The following C12orf56 variants were observed in gnomAD, a reference collection of about 807,000 sequenced individuals.
The protein encoded by C12orf56 is uncharacterized protein C12orf56.
In C12orf56, 71 loss-of-function variants were observed where a neutral mutation model predicts 69.9. The observed-to-expected ratio is 1.02, with a 90% confidence interval of 0.84 to 1.24. The LOEUF is 1.24. C12orf56 is among the 50% of genes most tolerant of loss of function. The pLI, the probability that C12orf56 is intolerant of heterozygous loss-of-function variation, is 0.00. For missense variants in C12orf56, 732 were observed against 738.5 expected, an observed-to-expected ratio of 0.99 and a Z score of 0.10; for synonymous variants, 276 against 274.1, an observed-to-expected ratio of 1.01 and a Z score of -0.07.
chr12:64,359,388 TAATC>T (rs930094927), intron 1 of C12orf56, among the ~76,000 whole-genome samples: 1 of 152,196 alleles, frequency 6.6e-6, no homozygotes, highest in African/African-American at 2.4e-5. Flanking sequence ...TTTCTCTTGT[TAATC>T]TATCTTTTGT....
At chr12:64,284,795 C>A in intron 7 of C12orf56, 42 bp from the exon 8 acceptor site, 1 of 1,433,454 alleles carries the variant, frequency 7.0e-7, no homozygotes, top group South Asian at 1.3e-5. Flanking sequence ...GGCATGATTT[C>A]ATTAGAAGCT....
intron 11 of C12orf56, among the ~76,000 whole-genome samples, chr12:64,271,282 T>C (rs1012662801): frequency 6.6e-6 from 1 of 152,116 alleles, no homozygotes; most frequent in East Asian, 1.9e-4. Context: ...CTGGTTAACA[T>C]GGCAAAACCC....
intron 2 of C12orf56, among the ~76,000 whole-genome samples, chr12:64,337,891 T>C (rs566113538): frequency 6.6e-6 from 1 of 150,512 alleles, no homozygotes; most frequent in East Asian, 2.0e-4. Flanking sequence ...GACATAAATT[T>C]CCCATGAGAA....
At chr12:64,338,630 T>A in intron 2 of C12orf56, 1 of 1,592,526 alleles carries the variant, frequency 6.3e-7, no homozygotes. Context: ...CTCATAATAT[T>A]CCATAATCTT....
At chr12:64,359,135 G>A (rs899852781) in intron 1 of C12orf56, among the ~76,000 whole-genome samples, 13 of 152,092 alleles carry the variant, frequency 8.5e-5, no homozygotes, top group South Asian at 4.1e-4. Flanking sequence ...ACCCTCATGC[G>A]AAAGATGCCC....
At chr12:64,338,067 T>C in intron 2 of C12orf56, 1 of 401,784 alleles carries the variant, frequency 2.5e-6, no homozygotes, top group South Asian at 2.3e-5. Context: ...AGAGCAATAC[T>C]GGGGCAGTAA....
At chr12:64,324,316 A>C (rs1413855872) in intron 3 of C12orf56, among the ~76,000 whole-genome samples, 1 of 152,264 alleles carries the variant, frequency 6.6e-6, no homozygotes, top group African/African-American at 2.4e-5. Flanking sequence ...ACAGACAATA[A>C]GCAATGAACA....
intron 1 of C12orf56, among the ~76,000 whole-genome samples, chr12:64,369,145 C>T (rs1008604317): frequency 9.7e-5 from 12 of 123,304 alleles, no homozygotes; most frequent in South Asian, 2.9e-4. Flanking sequence ...ATAGTGAGAT[C>T]CCATCTCTCT....
Position 64,283,142 on chromosome 12 carries a change from CA to C in C12orf56, c.1310+1521del, listed in dbSNP as rs1328249472. Among the ~76,000 whole-genome samples, 1,056 of 135,900 alleles carry C rather than the reference CA, an allele frequency of 7.8e-3. 17 individuals are homozygous for C. Among genetic ancestry groups the C allele is most frequent in the African/African-American group, 0.027 (993 of 36,776 alleles). 89.2% of individuals were successfully genotyped at this position (135,900 alleles called of 152,430 possible). On this transcript the variant is annotated intron_variant, in intron 8 of 12. Coordinates refer to ENST00000543942, the MANE Select transcript of C12orf56 (RefSeq NM_001170633.2). ...GGACAACAAGAGTGAAGCGCTGTCT[CA>C]AAAAAAAAAGAAAAAAGAAAGAAAG...
At chr12:64,365,725 A>C (rs1338680970) in intron 1 of C12orf56, among the ~76,000 whole-genome samples, 4 of 144,406 alleles carry the variant, frequency 2.8e-5, no homozygotes, top group Non-Finnish European at 6.0e-5. Flanking sequence ...TATATAATAT[A>C]TAATATATAG....
intron 12 of C12orf56, among the ~76,000 whole-genome samples, chr12:64,269,056 C>T (rs2037947992): frequency 6.6e-6 from 1 of 151,308 alleles, no homozygotes; most frequent in Admixed American, 6.6e-5. Flanking sequence ...GGGGGCATTG[C>T]TTGAGCCCAG....
chr12:64,369,092 G>C (rs1369021168), intron 1 of C12orf56, among the ~76,000 whole-genome samples: 2 of 150,260 alleles, frequency 1.3e-5, no homozygotes, highest in African/African-American at 4.9e-5. Flanking sequence ...GCTGAGGAAG[G>C]AGGATCGCTT....
intron 4 of C12orf56, among the ~76,000 whole-genome samples, chr12:64,313,506 CA>C (rs1433978278): frequency 6.6e-6 from 1 of 151,780 alleles, no homozygotes; most frequent in Admixed American, 6.6e-5. Context: ...ATGATTGTGC[CA>C]CTACACTCCA....
At chr12:64,383,319 AC>A (rs1455561819) in intron 1 of C12orf56, among the ~76,000 whole-genome samples, 2 of 146,962 alleles carry the variant, frequency 1.4e-5, no homozygotes, top group Non-Finnish European at 3.0e-5. Flanking sequence ...AAAAAAAAAA[AC>A]CAAGAAAAAC....
At chr12:64,390,080 G>A (rs778146784) in intron 1 of C12orf56, among the ~76,000 whole-genome samples, 2 of 152,138 alleles carry the variant, frequency 1.3e-5, no homozygotes, top group Non-Finnish European at 2.9e-5. Context: ...ACGTGGGGTA[G>A]GGGAGGCGGG....
intron 2 of C12orf56, among the ~76,000 whole-genome samples, chr12:64,345,023 C>T (rs1192996623): frequency 6.6e-6 from 1 of 152,174 alleles, no homozygotes; most frequent in African/African-American, 2.4e-5. Context: ...ACTCTATGTT[C>T]CTTCCACCAT....
chr12:64,284,714 G>A lies in C12orf56; in HGVS notation c.1260C>T (p.Phe420=). 1 of 1,611,668 alleles carries A rather than the reference G, an allele frequency of 6.2e-7. No homozygotes were observed. The highest frequency in any genetic ancestry group is 8.5e-7 in the Non-Finnish European group (1 of 1,179,104). The change falls in exon 8 of 13, where the codon TTC becomes TTT. Residue 420 remains phenylalanine, a synonymous_variant. Coordinates refer to ENST00000543942, the MANE Select transcript of C12orf56 (RefSeq NM_001170633.2). ...GTGATGACTCGGTTTCTGTTTCTCT[G>A]AACATCAATACTAGGGTCTGTATAA... is the stretch of plus-strand genomic sequence containing the variant. ...IEIIQTLVLM[F]RETETESSRL...
chr12:64,368,070 AG>A (rs1450521645), intron 1 of C12orf56, among the ~76,000 whole-genome samples: 1 of 152,124 alleles, frequency 6.6e-6, no homozygotes, highest in African/African-American at 2.4e-5. Flanking sequence ...AGCCTCCCAA[AG>A]TACTGGGATT....
intron 1 of C12orf56, among the ~76,000 whole-genome samples, chr12:64,386,850 T>C (rs1254632835): frequency 1.5e-5 from 2 of 134,186 alleles, no homozygotes; most frequent in African/African-American, 2.5e-5. Context: ...TCTTTAAAAG[T>C]GTAAGAGGCC....
Sources: allele counts gnomAD v4.1 joint callset (sites outside exome capture counted in the v4.1 genomes callset), GRCh38; gene constraint gnomAD v4.1.1; transcripts MANE v1.5; gene names NCBI Gene and HGNC (gene_info 2026-07-23, HGNC 2026-07-21).